The following GALNTL6 variants were observed in gnomAD, a reference collection of about 807,000 sequenced individuals.
GALNTL6 encodes polypeptide N-acetylgalactosaminyltransferase like 6.
A neutral mutation model predicts 73.7 loss-of-function variants in GALNTL6; 46 were observed. The observed-to-expected ratio is 0.62, with a 90% confidence interval of 0.49 to 0.80. The LOEUF is 0.80. Ranked by LOEUF, GALNTL6 falls within the 30% of genes least tolerant of loss-of-function variation. GALNTL6 has a pLI of 0.00. For synonymous variants in GALNTL6, 259 were observed against 263.7 expected (o/e 0.98, Z 0.17); for missense variants, 604 against 755.0 (o/e 0.80, Z 2.34).
chr4:172,850,886 G>T (rs1010260302), intron 7 of GALNTL6, among the ~76,000 whole-genome samples: 5 of 152,216 alleles, frequency 3.3e-5, no homozygotes, highest in South Asian at 4.1e-4. Flanking sequence ...GATGTGTAGG[G>T]CAGGGGACAG....
chr4:173,005,076 T>C (rs771324188), intron 10 of GALNTL6, among the ~76,000 whole-genome samples: 1 of 143,038 alleles, frequency 7.0e-6, no homozygotes, highest in Non-Finnish European at 1.5e-5. Flanking sequence ...ACCTCTCTGA[T>C]AAAAACCTCC....
intron 5 of GALNTL6, among the ~76,000 whole-genome samples, chr4:172,656,807 A>G (rs1329541966): frequency 1.3e-5 from 2 of 152,246 alleles, no homozygotes; most frequent in African/African-American, 4.8e-5. Flanking sequence ...TTTGAAAACT[A>G]GAGCAGACGT....
chr4:172,904,672 A>AT (rs1270729170), intron 8 of GALNTL6, among the ~76,000 whole-genome samples: 1 of 152,008 alleles, frequency 6.6e-6, no homozygotes, highest in Non-Finnish European at 1.5e-5. Flanking sequence ...CTTCTGCAGT[A>AT]TTTTTAGTTA....
At chr4:172,689,905 T>A (rs1017114812) in intron 5 of GALNTL6, among the ~76,000 whole-genome samples, 12 of 151,690 alleles carry the variant, frequency 7.9e-5, no homozygotes, top group Non-Finnish European at 1.6e-4. Context: ...CTCGTGATTT[T>A]TAAAAAAAAA....
intron 5 of GALNTL6, among the ~76,000 whole-genome samples, chr4:172,387,164 G>A (rs1743503689): frequency 6.6e-6 from 1 of 152,080 alleles, no homozygotes; most frequent in Non-Finnish European, 1.5e-5. Flanking sequence ...ATGGGAGTAT[G>A]GTTTCAACAT....
At chr4:172,756,319 T>C (rs927239362) in intron 5 of GALNTL6, among the ~76,000 whole-genome samples, 1 of 152,182 alleles carries the variant, frequency 6.6e-6, no homozygotes, top group Non-Finnish European at 1.5e-5. Flanking sequence ...ACTACTTGAA[T>C]AACTGGTGAT....
chr4:172,944,079 T>C (rs1174519015), intron 9 of GALNTL6, among the ~76,000 whole-genome samples: 1 of 152,120 alleles, frequency 6.6e-6, no homozygotes, highest in Non-Finnish European at 1.5e-5. Context: ...TTTTTGAGAT[T>C]AAGCAAAAAT....
intron 5 of GALNTL6, among the ~76,000 whole-genome samples, chr4:172,485,097 A>C (rs1467109640): frequency 2.0e-5 from 3 of 152,190 alleles, no homozygotes; most frequent in Non-Finnish European, 2.9e-5. Context: ...TAATAAAAAC[A>C]TTGTGGGGCA....
rs1434388009 is a variant in GALNTL6 at position 172,834,449 on chromosome 4, C to T, written c.923+20726C>T. ...GCTGGTGGTTTGACCACTCATGCCA[C>T]TGACAGGACAAGGCACTTCCCAATA... On this transcript the variant is annotated intron_variant, in intron 7 of 12. Coordinates refer to ENST00000506823, the MANE Select transcript of GALNTL6 (RefSeq NM_001034845.3). 2.6e-5 allele frequency among the ~76,000 whole-genome samples: 4 copies of T among 152,232 alleles called. No individual in the cohort carries two copies. In the East Asian group the frequency reaches 7.7e-4, roughly 29 times the overall value.
At chr4:172,792,598 A>G (rs1458336170) in intron 5 of GALNTL6, among the ~76,000 whole-genome samples, 2 of 151,674 alleles carry the variant, frequency 1.3e-5, no homozygotes, top group Non-Finnish European at 2.9e-5. Flanking sequence ...AAAAGATGAG[A>G]TGAGAGATCA....
intron 5 of GALNTL6, among the ~76,000 whole-genome samples, chr4:172,396,581 G>C (rs141422517): frequency 6.6e-6 from 1 of 152,044 alleles, no homozygotes; most frequent in African/African-American, 2.4e-5. Context: ...CCTTACTTAA[G>C]ACCAGTTCTC....
chr4:172,435,594 T>G (rs1731606673), intron 5 of GALNTL6, among the ~76,000 whole-genome samples: 1 of 152,284 alleles, frequency 6.6e-6, no homozygotes, highest in Middle Eastern at 3.4e-3. Flanking sequence ...TGAGTCTGTC[T>G]TAATACTAAA....
intron 2 of GALNTL6, among the ~76,000 whole-genome samples, chr4:172,127,471 T>C (rs866316229): frequency 4.6e-5 from 7 of 152,334 alleles, no homozygotes; most frequent in African/African-American, 1.2e-4. Context: ...CACAGACCAC[T>C]TGGGACTCAG....
intron 2 of GALNTL6, among the ~76,000 whole-genome samples, chr4:171,817,502 G>A (rs1734552804): frequency 6.6e-6 from 1 of 151,370 alleles, no homozygotes; most frequent in South Asian, 2.1e-4. Context: ...ATAAAATAAA[G>A]GGAAGTGAAA....
chr4:172,182,046 G>A (rs1248437254), intron 2 of GALNTL6, among the ~76,000 whole-genome samples: 1 of 152,116 alleles, frequency 6.6e-6, no homozygotes, highest in African/African-American at 2.4e-5. Context: ...AAGCTGATAA[G>A]CAACTTCAGC....
At chr4:172,222,015 A>G (rs1736692448) in intron 2 of GALNTL6, among the ~76,000 whole-genome samples, 1 of 151,870 alleles carries the variant, frequency 6.6e-6, no homozygotes, top group South Asian at 2.1e-4. Flanking sequence ...GTTTACTAAC[A>G]ATTAATTCTG....
chr4:172,917,142 C>G (rs554108149), intron 8 of GALNTL6, among the ~76,000 whole-genome samples: 1 of 151,924 alleles, frequency 6.6e-6, no homozygotes, highest in African/African-American at 2.4e-5. Context: ...AAACAAGAAA[C>G]GGGGAAAGGA....
chr4:171,889,543 A>T (rs1303154504), intron 2 of GALNTL6, among the ~76,000 whole-genome samples: 2 of 152,076 alleles, frequency 1.3e-5, no homozygotes, highest in Non-Finnish European at 2.9e-5. Context: ...ATTAAATAAG[A>T]TTTACATTTC....
At chr4:172,775,800 G>A (rs771968175) in intron 5 of GALNTL6, among the ~76,000 whole-genome samples, 13 of 152,108 alleles carry the variant, frequency 8.5e-5, no homozygotes, top group African/African-American at 1.2e-4. Flanking sequence ...TCATCTTGAT[G>A]GACTTGAGGG....
Sources: gnomAD v4.1 joint callset for allele counts (sites outside exome capture counted in the v4.1 genomes callset) on GRCh38, gnomAD v4.1.1 for gene constraint, MANE v1.5 for transcripts, NCBI Gene and HGNC (gene_info 2026-07-23, HGNC 2026-07-21) for gene names.